Variants in NFIB observed in about 807,000 individuals in gnomAD.
NFIB encodes nuclear factor 1 B-type.
NFIB carries 11 observed loss-of-function variants against 61.5 expected under a neutral mutation model. The ratio of observed to expected loss-of-function variants is 0.18; its 90% CI spans 0.11 to 0.30. The LOEUF is 0.30. Among genes scored for constraint, NFIB ranks in the 10% least tolerant of loss-of-function variants. NFIB has a pLI of 1.00. For synonymous variants in NFIB, 260 were observed against 216.5 expected, an observed-to-expected ratio of 1.20 and a Z score of -1.76; for missense variants, 471 against 608.9, an observed-to-expected ratio of 0.77 and a Z score of 2.38.
chr9:14,328,897 A>T (rs1327644270), intron 1 of NFIB, among the ~76,000 whole-genome samples: 1 of 152,196 alleles, frequency 6.6e-6, no homozygotes, highest in Admixed American at 6.5e-5. Context: ...TACTGTTAAC[A>T]TTTAAAACTT....
chr9:14,441,183 G>A, the NFIB span, among the ~76,000 whole-genome samples: 3 of 149,234 alleles, frequency 2.0e-5, no homozygotes, highest in Non-Finnish European at 3.0e-5. Context: ...AAAATCGGAC[G>A]GAAAACCAGC....
the NFIB span, among the ~76,000 whole-genome samples, chr9:14,507,133 A>T: frequency 6.6e-6 from 1 of 152,222 alleles, no homozygotes; most frequent in Admixed American, 6.5e-5. Context: ...CGCATAACTA[A>T]TCCAACTGTG....
At chr9:14,373,922 A>T (rs376806233) in intron 1 of NFIB, among the ~76,000 whole-genome samples, 1 of 152,170 alleles carries the variant, frequency 6.6e-6, no homozygotes, top group African/African-American at 2.4e-5. Flanking sequence ...GGAAACTTGC[A>T]TATTTCTGAA....
chr9:14,424,520 G>T, the NFIB span, among the ~76,000 whole-genome samples: 3 of 152,124 alleles, frequency 2.0e-5, no homozygotes, highest in African/African-American at 7.2e-5. Context: ...TTTACGCGGG[G>T]CGACCTGCAG....
intron 2 of NFIB, among the ~76,000 whole-genome samples, chr9:14,301,302 T>A (rs80220882): frequency 0.023 from 3,489 of 152,276 alleles, 137 homozygotes; most frequent in African/African-American, 0.078. Flanking sequence ...ACAATGCATA[T>A]TATTTTGGTT....
chr9:14,105,407 G>A (rs1453028149), intron 10 of NFIB, among the ~76,000 whole-genome samples: 1 of 152,074 alleles, frequency 6.6e-6, no homozygotes, highest in Non-Finnish European at 1.5e-5. Flanking sequence ...TAAAATATAA[G>A]AAACTAATTT....
chr9:14,107,045 G>A (rs941071002), intron 10 of NFIB, among the ~76,000 whole-genome samples: 8 of 151,862 alleles, frequency 5.3e-5, no homozygotes, highest in Admixed American at 1.3e-4. Context: ...GTTTTCTTGT[G>A]TTTCTTCATT....
At chr9:14,474,539 A>G in the NFIB span, among the ~76,000 whole-genome samples, 2 of 152,192 alleles carry the variant, frequency 1.3e-5, no homozygotes, top group African/African-American at 4.8e-5. Flanking sequence ...TCCTAATAGC[A>G]TTTAAAGTCA....
intron 1 of NFIB, among the ~76,000 whole-genome samples, chr9:14,387,675 C>A (rs961182959): frequency 6.6e-6 from 1 of 152,108 alleles, no homozygotes; most frequent in Admixed American, 6.5e-5. Context: ...ATCAGACCAG[C>A]AAAAAATTTT....
chr9:14,470,358 G>C, the NFIB span, among the ~76,000 whole-genome samples: 1 of 152,000 alleles, frequency 6.6e-6, no homozygotes, highest in Non-Finnish European at 1.5e-5. Context: ...ATATGGTTTT[G>C]GTTTGCCATA....
chr9:14,470,408 T>C, the NFIB span, among the ~76,000 whole-genome samples: 1 of 152,168 alleles, frequency 6.6e-6, no homozygotes, highest in African/African-American at 2.4e-5. Context: ...AGCTTCATGA[T>C]CTCACTTCCA....
At chr9:14,512,376 GTC>G in the NFIB span, among the ~76,000 whole-genome samples, 3 of 145,308 alleles carry the variant, frequency 2.1e-5, no homozygotes, top group Non-Finnish European at 4.5e-5. Flanking sequence ...CTCTGTGAAA[GTC>G]TGTTCTGCAG....
At chr9:14,094,291 C>A (rs1250297917) in intron 10 of NFIB, 3 of 152,060 alleles carry the variant, frequency 2.0e-5, no homozygotes, top group African/African-American at 7.2e-5. Flanking sequence ...AATGAAATTC[C>A]TGTGGAAGTA....
chr9:14,471,337 G>T, the NFIB span, among the ~76,000 whole-genome samples: 2 of 152,182 alleles, frequency 1.3e-5, no homozygotes, highest in African/African-American at 4.8e-5. Flanking sequence ...GCACCGGCTG[G>T]TCTTTAATCA....
intron 2 of NFIB, among the ~76,000 whole-genome samples, chr9:14,188,041 G>C (rs2047568801): frequency 6.6e-6 from 1 of 152,146 alleles, no homozygotes; most frequent in African/African-American, 2.4e-5. Flanking sequence ...TCTAGGGATT[G>C]AGTGAACCAA....
chr9:14,412,218 T>C, the NFIB span, among the ~76,000 whole-genome samples: 1 of 152,180 alleles, frequency 6.6e-6, no homozygotes, highest in East Asian at 1.9e-4. Context: ...TGGTCTTAGA[T>C]TGTCCTATGT....
chr9:14,401,943 T>C (rs1292220155), upstream of NFIB, among the ~76,000 whole-genome samples: 1 of 152,220 alleles, frequency 6.6e-6, no homozygotes, highest in Non-Finnish European at 1.5e-5. Flanking sequence ...CAAGTATATA[T>C]GACTGCTGTC....
chr9:14,406,612 G>C, the NFIB span, among the ~76,000 whole-genome samples: 2 of 152,176 alleles, frequency 1.3e-5, no homozygotes, highest in Admixed American at 6.6e-5. Flanking sequence ...CAAGCTAGCT[G>C]TTCCTCTTTC....
intron 1 of NFIB, chr9:14,361,927 G>A (rs1360039709): frequency 6.6e-6 from 1 of 152,172 alleles, no homozygotes; most frequent in African/African-American, 2.4e-5. Context: ...GCTGGCTAAT[G>A]AGAAGCCCAG....
Sources: gnomAD v4.1 joint callset for allele counts (sites outside exome capture counted in the v4.1 genomes callset) on GRCh38, gnomAD v4.1.1 for gene constraint, MANE v1.5 for transcripts, NCBI Gene and HGNC (gene_info 2026-07-23, HGNC 2026-07-21) for gene names.